COL22A1: variants seen among roughly 807,000 people sequenced by gnomAD.
The protein encoded by COL22A1 is collagen alpha-1(XXII) chain.
In COL22A1, 221 loss-of-function variants were observed where a neutral mutation model predicts 248.9. That is an observed-to-expected ratio of 0.89 (90% CI 0.80 to 0.99). The LOEUF (loss-of-function observed/expected upper bound fraction) is 0.99. COL22A1 is among the 50% of genes least tolerant of loss of function. The pLI is 0.00. For synonymous variants in COL22A1, 891 were observed against 793.4 expected (o/e 1.12, Z -2.07); for missense variants, 2,240 against 2,179.0 (o/e 1.03, Z -0.56).
chr8:138,662,535 A>C (rs1017019938), intron 42 of COL22A1, among the ~76,000 whole-genome samples: 1 of 152,188 alleles, frequency 6.6e-6, no homozygotes, highest in African/African-American at 2.4e-5. Context: ...GTAAGAAAAT[A>C]ATTTCTAGCT....
chr8:138,791,101 A>G (rs1815992491), intron 12 of COL22A1, among the ~76,000 whole-genome samples: 1 of 152,244 alleles, frequency 6.6e-6, no homozygotes, highest in Non-Finnish European at 1.5e-5. Context: ...TGAAATGGGC[A>G]TAACAATAAT....
chr8:138,714,420 G>A (rs1260407154), intron 30 of COL22A1, among the ~76,000 whole-genome samples: 1 of 152,188 alleles, frequency 6.6e-6, no homozygotes, highest in East Asian at 1.9e-4. Flanking sequence ...GGAGAGGACA[G>A]AGAAGGACGG....
At chr8:138,687,334 T>C (rs1233782221) in intron 37 of COL22A1, among the ~76,000 whole-genome samples, 3 of 152,254 alleles carry the variant, frequency 2.0e-5, no homozygotes, top group Admixed American at 6.5e-5. Context: ...ATCATTTTTC[T>C]CTGCACTAAG....
chr8:138,806,565 C>T (rs1023076531), intron 10 of COL22A1, among the ~76,000 whole-genome samples: 3 of 152,102 alleles, frequency 2.0e-5, no homozygotes, highest in African/African-American at 7.2e-5. Context: ...AAGAAAGCAT[C>T]GCTCAGGCGA....
intron 37 of COL22A1, among the ~76,000 whole-genome samples, chr8:138,687,172 G>A (rs888230719): frequency 3.3e-5 from 5 of 152,160 alleles, no homozygotes; most frequent in South Asian, 2.1e-4. Context: ...GGCCAGGCCC[G>A]TCATGAACTC....
chr8:138,708,435 G>T (rs561031598), intron 30 of COL22A1, among the ~76,000 whole-genome samples: 1 of 152,014 alleles, frequency 6.6e-6, no homozygotes, highest in Non-Finnish European at 1.5e-5. Flanking sequence ...GTACCAAAAC[G>T]GAGATATAGA....
At chr8:138,847,914 T>C (rs559182041) in intron 3 of COL22A1, among the ~76,000 whole-genome samples, 1 of 152,318 alleles carries the variant, frequency 6.6e-6, no homozygotes, top group Middle Eastern at 3.4e-3. Flanking sequence ...CTCACTGATA[T>C]GCCAGTGTAA....
intron 15 of COL22A1, chr8:138,778,009 C>A (rs150928547): frequency 1.3e-5 from 5 of 373,690 alleles, no homozygotes; most frequent in Middle Eastern, 8.8e-4. Context: ...ACCCTTCTTA[C>A]AAGAGTACAG....
Position 138,722,854 on chromosome 8 carries a change from G to C in COL22A1, c.2248-765C>G, listed in dbSNP as rs1448526927. 2.3e-5 allele frequency among the ~76,000 whole-genome samples: 3 copies of C among 128,886 alleles called. 1 individual carries two copies. Among genetic ancestry groups the C allele is most frequent in the African/African-American group, 5.6e-5 (2 of 36,026 alleles). 84.6% of individuals were successfully genotyped at this position (128,886 alleles called of 152,430 possible). A position where few individuals can be genotyped will look rare whatever the true frequency, so the allele number is the denominator to read the frequency against. On this transcript the variant is annotated intron_variant, in intron 25 of 64. Coordinates refer to ENST00000303045, the MANE Select transcript of COL22A1 (RefSeq NM_152888.3). Reference sequence around the variant, plus strand: ...TGATATCGGGTCACATGGGGGCGGGGGGGGGGTGGTGGAAAACACACCCTG... The same window carrying C: ...TGATATCGGGTCACATGGGGGCGGGCGGGGGGTGGTGGAAAACACACCCTG...
chr8:138,589,469 G>A lies in COL22A1; in HGVS notation c.4694-29C>T, dbSNP rs771994233. The A allele has an allele frequency of 2.0e-6, 3 of 1,476,116 alleles. No homozygotes were observed. The African/African-American group carries it at 4.3e-5, about 21-fold the overall frequency. The allele number at this position is 1,476,116 out of a possible 1,614,324, so 91.4% of individuals were successfully genotyped here. A position where few individuals can be genotyped will look rare whatever the true frequency, so the allele number is the denominator to read the frequency against. On this transcript the variant is annotated intron_variant, in intron 64 of 64. Transcript: ENST00000303045. ...GCCCAAGGAGCAAAAGAAACAGAAG[G>A]TGGTTCAAGATCCTTCTGGGAGGGG...
intron 25 of COL22A1, 115 bp from the exon 26 acceptor site, chr8:138,722,204 C>G (rs144412776): frequency 1.2e-5 from 10 of 823,700 alleles, no homozygotes; most frequent in Non-Finnish European, 1.5e-5. Flanking sequence ...GAGGCTCGGG[C>G]GTCTGCTCTT....
intron 12 of COL22A1, among the ~76,000 whole-genome samples, chr8:138,796,521 G>A (rs1226094464): frequency 6.7e-6 from 1 of 149,818 alleles, no homozygotes; most frequent in South Asian, 2.1e-4. Flanking sequence ...TAGTTCAAAC[G>A]TCAACATTTC....
intron 16 of COL22A1, 144 bp from the exon 17 acceptor site, chr8:138,762,610 A>ACACACAC (rs1554617150): frequency 1.3e-5 from 7 of 558,022 alleles, no homozygotes; most frequent in East Asian, 3.2e-5. Context: ...ACACACACAC[A>ACACACAC]ACAGCCCTAG....
Position 138,899,637 on chromosome 8 carries a change from C to T in COL22A1, c.-73+13982G>A, listed in dbSNP as rs1212707261. Among the ~76,000 whole-genome samples, 6 of 152,094 alleles carry T rather than the reference C, an allele frequency of 3.9e-5. No homozygotes were observed. The East Asian group carries it at 1.2e-3, about 29-fold the overall frequency. ...CCCTTGGGTTCAAGTGATTCTCCTG[C>T]CTCAGCCTCCTGGGTAGCTGGGATT... On this transcript the variant is annotated intron_variant, in intron 1 of 64. Coordinates refer to ENST00000303045, the MANE Select transcript of COL22A1 (RefSeq NM_152888.3).
chr8:138,605,417 TAGC>T (rs1468008636), intron 58 of COL22A1, among the ~76,000 whole-genome samples: 3 of 152,150 alleles, frequency 2.0e-5, no homozygotes, highest in African/African-American at 4.8e-5. Flanking sequence ...GGCTGCTCAG[TAGC>T]AGCAGATTAT....
chr8:138,764,472 C>T (rs547165131), intron 16 of COL22A1, among the ~76,000 whole-genome samples: 1 of 152,194 alleles, frequency 6.6e-6, no homozygotes, highest in Admixed American at 6.5e-5. Flanking sequence ...GCCTCAGGGT[C>T]CCCCCATTCC....
At chr8:138,698,787 G>C (rs1014407047) in intron 32 of COL22A1, among the ~76,000 whole-genome samples, 10 of 151,042 alleles carry the variant, frequency 6.6e-5, no homozygotes, top group African/African-American at 2.4e-4. Context: ...CTGCAGGTGA[G>C]AGAGGTGTGG....
intron 29 of COL22A1, 77 bp downstream of exon 29, chr8:138,716,150 T>A: frequency 8.8e-7 from 1 of 1,130,892 alleles, no homozygotes; most frequent in Non-Finnish European, 1.3e-6. Context: ...CCCGAGGGAC[T>A]GAGACTCCAC....
At chr8:138,894,228 A>G (rs1825247527) in intron 1 of COL22A1, among the ~76,000 whole-genome samples, 1 of 152,210 alleles carries the variant, frequency 6.6e-6, no homozygotes, top group African/African-American at 2.4e-5. Flanking sequence ...CCCTGGGGCC[A>G]GTGGATGTTT....
Sources: gnomAD v4.1 joint callset for allele counts (sites outside exome capture counted in the v4.1 genomes callset) on GRCh38, gnomAD v4.1.1 for gene constraint, MANE v1.5 for transcripts, NCBI Gene and HGNC (gene_info 2026-07-23, HGNC 2026-07-21) for gene names.